MORN1: variants seen among roughly 807,000 people sequenced by gnomAD.
MORN1 encodes MORN repeat containing 1.
Under a neutral mutation model 61.9 loss-of-function variants are expected in MORN1, and 67 were observed. That is an observed-to-expected ratio of 1.08 (90% CI 0.89 to 1.33). The LOEUF is 1.33. MORN1 is among the 40% of genes most tolerant of loss of function. The pLI is 0.00. For missense variants in MORN1, 752 were observed against 691.2 expected, an observed-to-expected ratio of 1.09 and a Z score of -0.99; for synonymous variants, 301 against 292.0, an observed-to-expected ratio of 1.03 and a Z score of -0.31.
At chr1:2,369,603 G>A (rs924496100) in intron 8 of MORN1, among the ~76,000 whole-genome samples, 1 of 151,928 alleles carries the variant, frequency 6.6e-6, no homozygotes, top group Non-Finnish European at 1.5e-5. Context: ...AAGGAAATGA[G>A]GTCAATATGT....
intron 8 of MORN1, among the ~76,000 whole-genome samples, chr1:2,362,732 C>T (rs1054445701): frequency 2.0e-5 from 3 of 152,036 alleles, no homozygotes; most frequent in Admixed American, 6.5e-5. Context: ...GGTGTGGTGG[C>T]GGGCGCCTGT....
chr1:2,387,893 G>T (rs754186316), intron 3 of MORN1: 10 of 417,074 alleles, frequency 2.4e-5, no homozygotes, highest in Non-Finnish European at 3.5e-5. Context: ...CCTCTGGCGT[G>T]AGGGTCTGAG....
chr1:2,354,222 G>C (rs908539539), intron 10 of MORN1, among the ~76,000 whole-genome samples: 1 of 152,172 alleles, frequency 6.6e-6, no homozygotes, highest in Non-Finnish European at 1.5e-5. Context: ...GGACCCTGCC[G>C]ACCGTGCTCT....
At chr1:2,322,445 C>T (rs1037042615) in intron 13 of MORN1, 18 of 985,246 alleles carry the variant, frequency 1.8e-5, no homozygotes, top group African/African-American at 5.2e-5. Flanking sequence ...CGCAGAGCGG[C>T]GGCCTCCTCG....
At position 2,385,762 on chromosome 1, in the gene MORN1, T is replaced by C. The variant is rs146277632; in HGVS notation, c.449+45A>G. ...GCCACATGGCCTCACACCTGCCCTG[T>C]GTATCTGTCATGCGCCAGGCAGTAC... On this transcript the variant is annotated intron_variant, in intron 5 of 13. Transcript: ENST00000378531. 1.7e-4 allele frequency: 265 copies of C among 1,563,054 alleles called. 4 individuals are homozygous for C. The East Asian group carries it at 5.6e-3, about 33-fold the overall frequency.
intron 12 of MORN1, among the ~76,000 whole-genome samples, chr1:2,325,562 G>C (rs1466078668): frequency 6.6e-6 from 1 of 151,608 alleles, no homozygotes; most frequent in Non-Finnish European, 1.5e-5. Flanking sequence ...GCCCAGGTTG[G>C]TCTCAAACTC....
chr1:2,324,175 G>A (rs769165953), intron 12 of MORN1, 32 bp from the exon 13 acceptor site: 3 of 1,579,316 alleles, frequency 1.9e-6, no homozygotes, highest in Admixed American at 3.7e-5. Flanking sequence ...GCCCCTGAAT[G>A]CCCTGCCTGG....
At chr1:2,385,945 A>C (rs770315340) in intron 4 of MORN1, 48 bp from the exon 5 acceptor site, 1 of 1,519,188 alleles carries the variant, frequency 6.6e-7, no homozygotes, top group East Asian at 2.3e-5. Context: ...CTCCTCCTGC[A>C]TCTGAGAAGG....
chr1:2,385,256 G>A (rs917871568), intron 5 of MORN1, 191 bp from the exon 6 acceptor site: 38 of 604,640 alleles, frequency 6.3e-5, no homozygotes, highest in Middle Eastern at 4.4e-4. Flanking sequence ...GTGGGGACAC[G>A]TCCGCCCACC....
intron 8 of MORN1, chr1:2,371,554 T>G (rs1642122820): frequency 6.6e-6 from 1 of 152,232 alleles, no homozygotes; most frequent in Non-Finnish European, 1.5e-5. Context: ...ATCTGAACCT[T>G]CATGCATTAC....
intron 10 of MORN1, among the ~76,000 whole-genome samples, chr1:2,356,921 T>TG (rs1244879531): frequency 6.6e-6 from 1 of 152,130 alleles, no homozygotes; most frequent in African/African-American, 2.4e-5. Context: ...AGTTGGGGGC[T>TG]GGGGGGTTCT....
chr1:2,356,913 T>C (rs1641783564), intron 10 of MORN1, among the ~76,000 whole-genome samples: 1 of 152,000 alleles, frequency 6.6e-6, no homozygotes, highest in Non-Finnish European at 1.5e-5. Flanking sequence ...GGGGGCAGAG[T>C]TGGGGGCTGG....
Position 2,334,458 on chromosome 1 carries a change from G to GTTTCC in MORN1, c.1250+2010_1250+2011insGGAAA. ...CAGAGCTTACGGAGAGTTCCCGATG[G>GTTTCC]GAAAGACTCCCCAGGGTTTCCGCAC... On this transcript the variant is annotated intron_variant, in intron 12 of 13. Transcript: ENST00000378531. This position sits in a 1 kb window ranked among gnomAD's most constrained non-coding sequence, Gnocchi z 5.4. Among the ~76,000 whole-genome samples the GTTTCC allele has an allele frequency of 6.6e-6, 1 of 152,182 alleles. No homozygotes were observed. Among genetic ancestry groups the GTTTCC allele is most frequent in the South Asian group, 2.1e-4 (1 of 4,826 alleles).
intron 10 of MORN1, chr1:2,355,037 CCCA>C: frequency 2.3e-6 from 1 of 434,580 alleles, no homozygotes; most frequent in South Asian, 9.5e-5. Context: ...GGGGAGGCCC[CCCA>C]GGTAGGATCC....
chr1:2,328,401 A>T (rs184290454), intron 12 of MORN1, among the ~76,000 whole-genome samples: 2 of 152,340 alleles, frequency 1.3e-5, no homozygotes, highest in East Asian at 3.9e-4. Flanking sequence ...GATCCTGGTG[A>T]CAAGGGGCAG....
Position 2,342,840 on chromosome 1 carries a change from A to ATATTTTATTTTATTTTATTTTATTT in MORN1, c.1037-6015_1037-5991dup, listed in dbSNP as rs768672830. ...CTTTTTAAATATTTTATTTTATTTT[A>ATATTTTATTTTATTTTATTTTATTT]TATTTTATTTTATTTTATTTTATTT... On this transcript the variant is annotated intron_variant, in intron 10 of 13. Transcript: ENST00000378531. 1.7e-3 allele frequency among the ~76,000 whole-genome samples: 175 copies of ATATTTTATTTTATTTTATTTTATTT among 101,966 alleles called. 2 individuals are homozygous for ATATTTTATTTTATTTTATTTTATTT. Among genetic ancestry groups the ATATTTTATTTTATTTTATTTTATTT allele is most frequent in the Admixed American group, 2.6e-3 (26 of 10,190 alleles). 66.9% of individuals were successfully genotyped at this position (101,966 alleles called of 152,430 possible). A position where few individuals can be genotyped will look rare whatever the true frequency, so the allele number is the denominator to read the frequency against.
intron 13 of MORN1, chr1:2,323,404 G>T: frequency 1.0e-6 from 1 of 985,436 alleles, no homozygotes; most frequent in South Asian, 4.7e-5. Context: ...ACCAGACGAA[G>T]GGTCATTCAT....
intron 10 of MORN1, among the ~76,000 whole-genome samples, chr1:2,340,453 A>C (rs1569944127): frequency 6.6e-6 from 1 of 151,248 alleles, no homozygotes; most frequent in African/African-American, 2.4e-5. Context: ...GCTCCATGAC[A>C]CCCCTCCACC....
At chr1:2,360,215 A>G (rs1641863774) in intron 8 of MORN1, among the ~76,000 whole-genome samples, 1 of 152,238 alleles carries the variant, frequency 6.6e-6, no homozygotes, top group South Asian at 2.1e-4. Flanking sequence ...CTCTCATCTT[A>G]CTAAGATCTG....
Sources: gnomAD v4.1 joint callset for allele counts (sites outside exome capture counted in the v4.1 genomes callset) on GRCh38, gnomAD v4.1.1 for gene constraint, Gnocchi (gnomAD v3.1) non-coding constraint, MANE v1.5 for transcripts, NCBI Gene and HGNC (gene_info 2026-07-23, HGNC 2026-07-21) for gene names.